The following AKR1C4 variants were observed in gnomAD, a reference collection of about 807,000 sequenced individuals.
AKR1C4 encodes aldo-keto reductase family 1 member C4.
In AKR1C4, 44 loss-of-function variants were observed where a neutral mutation model predicts 41.0. The ratio of observed to expected loss-of-function variants is 1.07; its 90% CI spans 0.84 to 1.38. The LOEUF (loss-of-function observed/expected upper bound fraction) is 1.38, where lower values mean the gene tolerates loss of function less well. Among genes scored for constraint, AKR1C4 ranks in the 40% most tolerant of loss-of-function variants. The pLI, the probability that AKR1C4 is intolerant of heterozygous loss-of-function variation, is 0.00. For synonymous variants in AKR1C4, 165 were observed against 137.7 expected, an observed-to-expected ratio of 1.20 and a Z score of -1.39; for missense variants, 438 against 387.9, an observed-to-expected ratio of 1.13 and a Z score of -1.09.
At chr10:5,212,588 G>T (rs782077056) in intron 5 of AKR1C4, 28 bp from the exon 6 acceptor site, 5 of 1,574,132 alleles carry the variant, frequency 3.2e-6, no homozygotes, top group Non-Finnish European at 4.3e-6. Context: ...TGAATTATCT[G>T]ATGCTTTTCT....
chr10:5,203,769 G>A (rs909479536), intron 2 of AKR1C4, among the ~76,000 whole-genome samples: 3 of 152,102 alleles, frequency 2.0e-5, no homozygotes, highest in Middle Eastern at 3.2e-3. Flanking sequence ...CACAATCTTG[G>A]GAACAAAAAA....
At position 5,204,329 on chromosome 10, in the gene AKR1C4, A is replaced by G. The variant is rs370748293; in HGVS notation, c.253-48A>G. On this transcript the variant is annotated intron_variant, in intron 2 of 8. Coordinates refer to ENST00000263126, the MANE Select transcript of AKR1C4 (RefSeq NM_001818.5). Reference sequence around the variant, plus strand: ...ATATTAGGTGAAGCAAACTAATAAAACTAGCTCATGTTTTTATTCAACATA... The same window carrying G: ...ATATTAGGTGAAGCAAACTAATAAAGCTAGCTCATGTTTTTATTCAACATA... 2.8e-6 allele frequency: 4 copies of G among 1,408,214 alleles called. No individual in the cohort carries two copies. In the African/African-American group the frequency reaches 5.7e-5, roughly 20 times the overall value. 87.2% of individuals were successfully genotyped at this position (1,408,214 alleles called of 1,614,324 possible).
chr10:5,205,640 T>G, intron 3 of AKR1C4, 117 bp from the exon 4 acceptor site: 1 of 787,602 alleles, frequency 1.3e-6, no homozygotes, highest in Non-Finnish European at 2.0e-6. Context: ...CCACATCACT[T>G]TCTAGAACAT....
Position 5,218,912 on chromosome 10 carries a change from C to A in AKR1C4, c.*152C>A. 3.6e-6 allele frequency: 2 copies of A among 550,604 alleles called. No individual in the cohort carries two copies. The highest frequency in any genetic ancestry group is 3.5e-5 in the South Asian group (1 of 28,706). The allele number at this position is 550,604 out of a possible 1,614,324, so 34.1% of individuals were successfully genotyped here. A position where few individuals can be genotyped will look rare whatever the true frequency, so the allele number is the denominator to read the frequency against. ...TCAGCTAGCTAGATATATCCATGGT[C>A]CAGAAAGCAAACATAATAAATTTTT... On this transcript the variant is annotated 3_prime_UTR_variant, in exon 9 of 9. Transcript: ENST00000263126.
At chr10:5,209,394 C>T (rs1396907451) in intron 5 of AKR1C4, among the ~76,000 whole-genome samples, 17 of 151,912 alleles carry the variant, frequency 1.1e-4, no homozygotes, top group East Asian at 3.9e-4. Context: ...CTATTCTTTA[C>T]GTTTTATTAT....
chr10:5,212,788 A>G, intron 6 of AKR1C4, 63 bp downstream of exon 6: 1 of 1,537,742 alleles, frequency 6.5e-7, no homozygotes, highest in Non-Finnish European at 8.9e-7. Context: ...TAGTTATAGC[A>G]TACTCAGTCT....
Position 5,206,326 on chromosome 10 carries a change from A to C in AKR1C4, c.499A>C (p.Asn167His). Residue 167 changes from asparagine to histidine, a missense_variant, in exon 5 of 9, where the codon AAC becomes CAC. Physicochemically the swap from Asn to His is moderately conservative, Grantham distance 68. Transcript: ENST00000263126. ...ATTGGCCAAGTCCATCGGGGTGTCAAACTTCAACTGCAGGCAGCTGGAGAT... is the reference window on the plus strand; with the variant it reads ...ATTGGCCAAGTCCATCGGGGTGTCACACTTCAACTGCAGGCAGCTGGAGAT... ...AGLAKSIGVS[N>H]FNCRQLEMIL... 1 of 1,614,122 alleles carries C rather than the reference A, an allele frequency of 6.2e-7. No individual in the cohort carries two copies. The highest frequency in any genetic ancestry group is 8.5e-7 in the Non-Finnish European group (1 of 1,179,990).
At chr10:5,200,808 A>G (rs2398160) in intron 2 of AKR1C4, among the ~76,000 whole-genome samples, 149,255 of 152,264 alleles carry the variant, frequency 0.98, 73,221 homozygotes, top group Middle Eastern at 1. Flanking sequence ...TAATCTGTAT[A>G]TCTATACATC....
At chr10:5,200,504 G>A (rs1832383812) in intron 2 of AKR1C4, among the ~76,000 whole-genome samples, 156 bp downstream of exon 2, 1 of 152,222 alleles carries the variant, frequency 6.6e-6, no homozygotes, top group Non-Finnish European at 1.5e-5. Flanking sequence ...ATAAAAGGCA[G>A]AGAATGATGA....
rs1172986493 is a variant in AKR1C4 at position 5,208,826 on chromosome 10, TAATAA to T, written c.570+2432_570+2436del. ...GATATTAAGTACCTGAAATTATACC[TAATAA>T]AAGATGTGTATGACCTCTAAGGAGA... On this transcript the variant is annotated intron_variant, in intron 5 of 8. Transcript: ENST00000263126. 2.0e-5 allele frequency among the ~76,000 whole-genome samples: 3 copies of T among 150,834 alleles called. 1 individual carries two copies. Among genetic ancestry groups the T allele is most frequent in the African/African-American group, 4.9e-5 (2 of 40,432 alleles).
Position 5,213,053 on chromosome 10 carries a change from A to G in AKR1C4, c.740A>G (p.Lys247Arg). 6.2e-7 allele frequency: 1 copy of G among 1,614,172 alleles called. No individual in the cohort carries two copies. Among genetic ancestry groups the G allele is most frequent in the Non-Finnish European group, 8.5e-7 (1 of 1,180,028 alleles). The change falls in exon 7 of 9, where the codon AAA (lysine) becomes AGA (arginine). Residue 247 changes from lysine to arginine, a missense_variant. Coordinates refer to ENST00000263126, the MANE Select transcript of AKR1C4 (RefSeq NM_001818.5). ...EDPVLCALAK[K>R]HKQTPALIAL... ...CCAGTTCTTTGTGCCTTAGCAAAGAAACACAAACAAACCCCAGCCCTGATT... is the reference window on the plus strand; with the variant it reads ...CCAGTTCTTTGTGCCTTAGCAAAGAGACACAAACAAACCCCAGCCCTGATT...
chr10:5,203,251 G>A (rs1554797116), intron 2 of AKR1C4, among the ~76,000 whole-genome samples: 3 of 152,038 alleles, frequency 2.0e-5, no homozygotes, highest in African/African-American at 7.3e-5. Context: ...ATTCCCACTT[G>A]AGATAATATT....
chr10:5,218,809 G>C lies in AKR1C4; in HGVS notation c.*49G>C. ...TAGCAGAAGGCCCTGTGTGTGGATG[G>C]TGATGCAGAGGATGTCTCTATGCTG... On this transcript the variant is annotated 3_prime_UTR_variant, in exon 9 of 9. Coordinates refer to ENST00000263126, the MANE Select transcript of AKR1C4 (RefSeq NM_001818.5). The C allele has an allele frequency of 6.5e-7, 1 of 1,538,848 alleles. No homozygotes were observed. Among genetic ancestry groups the C allele is most frequent in the Non-Finnish European group, 9.0e-7 (1 of 1,112,768 alleles).
chr10:5,218,589 C>T, intron 8 of AKR1C4, 129 bp from the exon 9 acceptor site: 2 of 627,132 alleles, frequency 3.2e-6, no homozygotes, highest in South Asian at 2.3e-5. Flanking sequence ...GAAAGACATT[C>T]TACAAATAGT....
rs1554797493 is a variant in AKR1C4, at chr10:5,206,376, G to C, written c.549G>C (p.Lys183Asn). 3.7e-6 allele frequency: 6 copies of C among 1,614,064 alleles called. No homozygotes were observed. Among genetic ancestry groups the C allele is most frequent in the Non-Finnish European group, 5.1e-6 (6 of 1,179,968 alleles). ...LEMILNKPGL[K>N]YKPVCNQVEC... ...TGATCCTCAACAAGCCAGGACTCAA[G>C]TACAAGCCTGTCTGCAACCAGGTGA... is the stretch of plus-strand genomic sequence containing the variant. The change falls in exon 5 of 9, where the codon AAG (lysine) becomes AAC (asparagine). Residue 183 changes from lysine (K) to asparagine (N), a missense_variant. By Grantham distance (94) the Lys-to-Asn change is moderately conservative (BLOSUM62 0). Transcript: ENST00000263126.
chr10:5,209,545 C>T (rs115211455), intron 5 of AKR1C4, among the ~76,000 whole-genome samples: 2,064 of 152,132 alleles, frequency 0.014, 37 homozygotes, highest in African/African-American at 0.046. Flanking sequence ...CATTTTCATG[C>T]TACTGATAAA....
At chr10:5,208,224 A>T (rs12771394) in intron 5 of AKR1C4, among the ~76,000 whole-genome samples, 2,961 of 151,672 alleles carry the variant, frequency 0.02, 58 homozygotes, top group Non-Finnish European at 0.032. Flanking sequence ...ACTGTTTAGA[A>T]GCATTTATTC....
At chr10:5,217,191 A>T (rs113058470) in intron 8 of AKR1C4, among the ~76,000 whole-genome samples, 3 of 152,328 alleles carry the variant, frequency 2.0e-5, no homozygotes, top group African/African-American at 7.2e-5. Context: ...TCAGTTTCTT[A>T]TCAGCTAAAA....
At position 5,212,688 on chromosome 10, in the gene AKR1C4, G is replaced by T; in HGVS notation, c.643G>T (p.Ala215Ser). Residue 215 changes from alanine (A) to serine (S), a missense_variant, in exon 6 of 9, where the codon GCC becomes TCC. Coordinates refer to ENST00000263126, the MANE Select transcript of AKR1C4 (RefSeq NM_001818.5). ...CAAGTCAAAAGACATTGTTCTGGTT[G>T]CCCACAGTGCTCTGGGAACCCAACG... is the stretch of plus-strand genomic sequence containing the variant. ...FCKSKDIVLV[A>S]HSALGTQRHK... The T allele has an allele frequency of 6.2e-7, 1 of 1,614,048 alleles. No homozygotes were observed. The highest frequency in any genetic ancestry group is 1.1e-5 in the South Asian group (1 of 91,058).
Sources: allele counts gnomAD v4.1 joint callset (sites outside exome capture counted in the v4.1 genomes callset), GRCh38; gene constraint gnomAD v4.1.1; transcripts MANE v1.5; gene names NCBI Gene and HGNC (gene_info 2026-07-23, HGNC 2026-07-21).